NHS: variants seen among roughly 807,000 people sequenced by gnomAD.
The protein encoded by NHS is actin remodeling regulator NHS.
NHS carries 5 observed loss-of-function variants against 72.5 expected under a neutral mutation model. The observed-to-expected ratio is 0.07, with a 90% CI of 0.04 to 0.14. NHS has a LOEUF of 0.14. NHS is among the 10% of genes least tolerant of loss of function. The pLI, the probability that NHS is intolerant of heterozygous loss-of-function variation, is 1.00. For synonymous variants in NHS, 464 were observed against 547.7 expected (o/e 0.85, Z 2.13); for missense variants, 1,072 against 1,355.7 (o/e 0.79, Z 3.29).
rs2066434016 is a variant in NHS, at chrX:17,725,354, T to G, written c.1248T>G (p.Asp416Glu). 2 of 1,205,279 alleles carry G rather than the reference T, an allele frequency of 1.7e-6. No homozygotes were observed. Among genetic ancestry groups the G allele is most frequent in the Non-Finnish European group, 2.2e-6 (2 of 891,643 alleles). The change falls in exon 7 of 9, where the codon GAT becomes GAG. Residue 416 changes from aspartate to glutamate, a missense_variant. Coordinates refer to ENST00000676302, the MANE Select transcript of NHS (RefSeq NM_001291867.2). ...PRRVQQEIDS[D>E]ESPVARERNV... ...GCTTTCCATGTGCCCTAGATTCTGA[T>G]GAATCACCAGTGGCCAGGGAAAGGA... is the stretch of plus-strand genomic sequence containing the variant.
intron 1 of NHS, among the ~76,000 whole-genome samples, chrX:17,591,806 G>T (rs1325148572): frequency 9.0e-6 from 1 of 111,657 alleles, no homozygotes. Flanking sequence ...ACTCATTACT[G>T]GCTGAACCGG....
In NHS at chrX:17,615,795, G is replaced by A. The variant is rs773036799; in HGVS notation, c.566-71947G>A. ...GCACTGCCCACCCCCCCACCCCACCGACAACATCCTGCATGCCTATCACAG... is the reference window on the plus strand; with the variant it reads ...GCACTGCCCACCCCCCCACCCCACCAACAACATCCTGCATGCCTATCACAG... On this transcript the variant is annotated intron_variant, in intron 1 of 8. Coordinates refer to ENST00000676302, the MANE Select transcript of NHS (RefSeq NM_001291867.2). Among the ~76,000 whole-genome samples the A allele has an allele frequency of 2.7e-4, 3 of 11,129 alleles. No individual in the cohort carries two copies. In the South Asian group the frequency reaches 0.028, roughly 104 times the overall value. 9.7% of individuals were successfully genotyped at this position (11,129 alleles called of 115,157 possible). A position where few individuals can be genotyped will look rare whatever the true frequency, so the allele number is the denominator to read the frequency against.
chrX:17,651,470 C>T (rs2147084676), intron 1 of NHS, among the ~76,000 whole-genome samples: 1 of 112,222 alleles, frequency 8.9e-6, no homozygotes, highest in East Asian at 2.8e-4. Context: ...AATAAACCCC[C>T]AATATTTCAG....
intron 1 of NHS, among the ~76,000 whole-genome samples, chrX:17,579,176 C>A (rs764524361): frequency 1.2e-4 from 14 of 112,033 alleles, no homozygotes; most frequent in Non-Finnish European, 2.4e-4. Context: ...GGAAGTCTTG[C>A]GTTTTAAAGC....
chrX:17,511,387 C>T (rs1158753146), intron 1 of NHS, among the ~76,000 whole-genome samples: 2 of 111,705 alleles, frequency 1.8e-5, no homozygotes, highest in African/African-American at 6.5e-5. Context: ...AGGAACTTCT[C>T]CTGAGGCCAG....
chrX:17,537,663 A>G (rs1323587732), intron 1 of NHS, among the ~76,000 whole-genome samples: 1 of 112,355 alleles, frequency 8.9e-6, no homozygotes, highest in African/African-American at 3.2e-5. Context: ...CTGGCCTAGC[A>G]GTGACAGGAG....
intron 3 of NHS, among the ~76,000 whole-genome samples, chrX:17,713,512 T>C (rs1392429115): frequency 8.9e-6 from 1 of 112,452 alleles, no homozygotes; most frequent in Non-Finnish European, 1.9e-5. Context: ...ATAAGTGCCA[T>C]GTGGTATCAG....
intron 1 of NHS, among the ~76,000 whole-genome samples, chrX:17,425,136 T>C (rs1022077593): frequency 8.9e-6 from 1 of 112,024 alleles, no homozygotes; most frequent in African/African-American, 3.2e-5. Context: ...TGGTCTTTAT[T>C]CTTCTCCATG....
chrX:17,430,279 CTTTCTT>C (rs1389524095), intron 1 of NHS, among the ~76,000 whole-genome samples: 2 of 68,399 alleles, frequency 2.9e-5, no homozygotes, highest in Non-Finnish European at 5.0e-5. Flanking sequence ...TTCTTTCTTT[CTTTCTT>C]TCTTTCTTTC....
chrX:17,583,023 A>G (rs930943392), intron 1 of NHS, among the ~76,000 whole-genome samples: 1 of 111,926 alleles, frequency 8.9e-6, no homozygotes, highest in African/African-American at 3.2e-5. Flanking sequence ...TGGTCTTTCT[A>G]TCATGAGTTG....
intron 1 of NHS, among the ~76,000 whole-genome samples, chrX:17,430,852 T>G (rs1207884774): frequency 8.9e-6 from 1 of 112,575 alleles, no homozygotes; most frequent in Non-Finnish European, 1.9e-5. Flanking sequence ...ATGGATATAC[T>G]ACATTTTATT....
intron 1 of NHS, among the ~76,000 whole-genome samples, chrX:17,391,543 AG>A (rs1221833605): frequency 8.9e-6 from 1 of 111,826 alleles, no homozygotes; most frequent in African/African-American, 3.2e-5. Flanking sequence ...GCTTGGGTAA[AG>A]GATGTAGGTA....
At chrX:17,569,273 C>T (rs770023015) in intron 1 of NHS, among the ~76,000 whole-genome samples, 1 of 111,331 alleles carries the variant, frequency 9.0e-6, no homozygotes, top group East Asian at 2.8e-4. Flanking sequence ...CTAATTTACA[C>T]TCCCACCAAC....
intron 1 of NHS, among the ~76,000 whole-genome samples, chrX:17,433,225 ATT>A (rs1223770942): frequency 2.9e-4 from 12 of 42,058 alleles, no homozygotes; most frequent in Admixed American, 8.8e-4. Flanking sequence ...TTTTTTTTGT[ATT>A]TTTAGTAGAG....
chrX:17,614,056 C>T (rs977299304), intron 1 of NHS, among the ~76,000 whole-genome samples: 2 of 111,984 alleles, frequency 1.8e-5, no homozygotes, highest in African/African-American at 6.5e-5. Context: ...AAAGAGACAC[C>T]TGGTATCACT....
intron 1 of NHS, among the ~76,000 whole-genome samples, chrX:17,644,287 G>A (rs939406358): frequency 2.7e-5 from 3 of 111,472 alleles, no homozygotes; most frequent in Non-Finnish European, 5.7e-5. Context: ...GATAATGCAT[G>A]TGTCTCTGAA....
Position 17,725,702 on chromosome X carries a change from G to A in NHS, c.1596G>A (p.Glu532=), listed in dbSNP as rs146437542. The A allele has an allele frequency of 1.0e-3, 1,245 of 1,209,022 alleles. 1 individual carries two copies. Among genetic ancestry groups the A allele is most frequent in the Non-Finnish European group, 1.4e-3 (1,210 of 895,018 alleles). Residue 532 remains glutamate, a synonymous_variant, in exon 7 of 9, where the codon GAG becomes GAA. Coordinates refer to ENST00000676302, the MANE Select transcript of NHS (RefSeq NM_001291867.2). ...AACCCTCAGCATATGAAGAGGGAGA[G>A]TCTTTTGTGGGTGACCATGAAAGAA... The part of the protein sequence containing the change: ...GAKPSAYEEG[E]SFVGDHERTP...
At chrX:17,508,562 C>T (rs952732042) in intron 1 of NHS, among the ~76,000 whole-genome samples, 3 of 111,655 alleles carry the variant, frequency 2.7e-5, no homozygotes, top group African/African-American at 9.8e-5. Context: ...CCTCCACCTC[C>T]CAGGCTCAAG....
intron 1 of NHS, among the ~76,000 whole-genome samples, chrX:17,570,630 C>T (rs2065472535): frequency 8.9e-6 from 1 of 111,823 alleles, no homozygotes; most frequent in African/African-American, 3.3e-5. Flanking sequence ...GACAATCTGA[C>T]TTCCTCTCTT....
Sources: allele counts gnomAD v4.1 joint callset (sites outside exome capture counted in the v4.1 genomes callset), GRCh38; gene constraint gnomAD v4.1.1; transcripts MANE v1.5; gene names NCBI Gene and HGNC (gene_info 2026-07-23, HGNC 2026-07-21).